Variants in LSM11 observed in about 807,000 individuals in gnomAD.
LSM11 encodes LSM11, U7 small nuclear RNA associated, also known as U7 snRNA-associated Sm-like protein LSm11.
In LSM11, 14 loss-of-function variants were observed where a neutral mutation model predicts 28.1. That is an observed-to-expected ratio of 0.50 (90% CI 0.33 to 0.78). The LOEUF (loss-of-function observed/expected upper bound fraction) is 0.78, where lower values mean the gene tolerates loss of function less well. LSM11 is among the 30% of genes least tolerant of loss of function. The probability of loss-of-function intolerance (pLI) is 0.02; values close to 1 mark genes in which losing one functional copy is unlikely to be tolerated. For missense variants in LSM11, 495 were observed against 510.6 expected, an observed-to-expected ratio of 0.97 and a Z score of 0.30; for synonymous variants, 207 against 214.2, an observed-to-expected ratio of 0.97 and a Z score of 0.30.
chr5:157,753,007 C>G (rs1313286914), intron 2 of LSM11, among the ~76,000 whole-genome samples: 1 of 152,098 alleles, frequency 6.6e-6, no homozygotes, highest in African/African-American at 2.4e-5. Flanking sequence ...CTGCTATGTG[C>G]CAGGTACTAT....
intron 2 of LSM11, among the ~76,000 whole-genome samples, chr5:157,753,452 G>A (rs760900776): frequency 1.3e-5 from 2 of 152,066 alleles, no homozygotes; most frequent in South Asian, 2.1e-4. Flanking sequence ...CCTAACAGCT[G>A]TCCTGTCGAG....
Position 157,746,341 on chromosome 5 carries a change from T to C in LSM11, c.448+2143T>C, listed in dbSNP as rs79872607. Among the ~76,000 whole-genome samples the C allele has an allele frequency of 8.5e-5, 13 of 152,290 alleles. No individual in the cohort carries two copies. The East Asian group carries it at 2.5e-3, about 29-fold the overall frequency. Reference sequence around the variant, plus strand: ...TCAGGCTGTAACAGCAAGAAGAAGCTTTGTTAGGTCATATCATCAGTGAAA... The same window carrying C: ...TCAGGCTGTAACAGCAAGAAGAAGCCTTGTTAGGTCATATCATCAGTGAAA... On this transcript the variant is annotated intron_variant, in intron 1 of 3. Transcript: ENST00000286307.
chr5:157,743,890 A>T lies in LSM11; in HGVS notation c.140A>T (p.Tyr47Phe). 1.3e-6 allele frequency: 2 copies of T among 1,547,964 alleles called. No homozygotes were observed. The highest frequency in any genetic ancestry group is 1.7e-6 in the Non-Finnish European group (2 of 1,148,942). Residue 47 changes from tyrosine to phenylalanine, a missense_variant, in exon 1 of 4, where the codon TAC (tyrosine) becomes TTC (phenylalanine). Transcript: ENST00000286307. ...GCGCCCCGCCTGCCTCCCATTCCCT[A>T]CCCCAATGCCCCCTGCTTCAACAAC... ...LYAPRLPPIP[Y>F]PNAPCFNNVA...
intron 1 of LSM11, chr5:157,747,546 A>C (rs1332222171): frequency 8.7e-6 from 2 of 228,988 alleles, no homozygotes; most frequent in African/African-American, 4.6e-5. Context: ...TTTCAAAACA[A>C]ACCTGATTTA....
At position 157,756,446 on chromosome 5, in the gene LSM11, G is replaced by A. The variant is rs1441039735; in HGVS notation, c.*1182G>A. The A allele has an allele frequency of 1.3e-5, 2 of 152,564 alleles. No homozygotes were observed. Among genetic ancestry groups the A allele is most frequent in the Non-Finnish European group, 2.9e-5 (2 of 68,016 alleles). The allele number at this position is 152,564 out of a possible 1,614,324, so 9.5% of individuals were successfully genotyped here. On this transcript the variant is annotated 3_prime_UTR_variant, in exon 4 of 4. Transcript: ENST00000286307. The stretch of plus-strand genomic sequence containing the variant: ...TTGACACAGACTGTTAGGCAATATT[G>A]ATTTTTTTGTTTTGTTTTTATTTGG...
At chr5:157,744,224 C>T in intron 1 of LSM11, 26 bp downstream of exon 1, 2 of 1,248,386 alleles carry the variant, frequency 1.6e-6, no homozygotes, top group South Asian at 6.2e-5. Flanking sequence ...GGGCGGGAAG[C>T]GGGGCAGCCG....
chr5:157,752,795 G>A (rs1046072740), intron 2 of LSM11, among the ~76,000 whole-genome samples: 4 of 146,354 alleles, frequency 2.7e-5, no homozygotes, highest in East Asian at 2.0e-4. Flanking sequence ...GCAGTGAGCC[G>A]AGATCATGCC....
In LSM11 at chr5:157,756,380, A is replaced by G. The variant is rs1360039235; in HGVS notation, c.*1116A>G. 6.6e-6 allele frequency: 1 copy of G among 152,634 alleles called. No individual in the cohort carries two copies. The highest frequency in any genetic ancestry group is 1.5e-5 in the Non-Finnish European group (1 of 68,044). 9.5% of individuals were successfully genotyped at this position (152,634 alleles called of 1,614,324 possible). ...CCACAAATACTTCTACTTGAATCAT[A>G]TTCTGTGCTTTTTCAATCACTAGTG... On this transcript the variant is annotated 3_prime_UTR_variant, in exon 4 of 4. Transcript: ENST00000286307.
At chr5:157,749,325 C>T (rs1761190820) in intron 1 of LSM11, among the ~76,000 whole-genome samples, 2 of 152,038 alleles carry the variant, frequency 1.3e-5, no homozygotes, top group Admixed American at 6.5e-5. Context: ...GGGCAGGGGG[C>T]AGTATATATG....
rs1263334678 is a variant in LSM11 at position 157,755,346 on chromosome 5, C to CT, written c.*83dup. 41 of 1,432,330 alleles carry CT rather than the reference C, an allele frequency of 2.9e-5. No individual in the cohort carries two copies. The East Asian group carries it at 7.6e-4, about 27-fold the overall frequency. 88.7% of individuals were successfully genotyped at this position (1,432,330 alleles called of 1,614,324 possible). On this transcript the variant is annotated 3_prime_UTR_variant, in exon 4 of 4. Transcript: ENST00000286307. ...TGTATCCTAGTATCCCAGTGAAACT[C>CT]TGAGTTGGAATGATTCCCTCTGGTC...
rs768913689 is a variant in LSM11, at chr5:157,751,413, G to C, written c.472G>C (p.Glu158Gln). 1.6e-5 allele frequency: 25 copies of C among 1,601,966 alleles called. No individual in the cohort carries two copies. Among genetic ancestry groups the C allele is most frequent in the Non-Finnish European group, 1.7e-5 (20 of 1,175,676 alleles). The part of the protein sequence containing the change: ...MPLHEGSPLG[E>Q]LHRCIREGVK... ...AGTGCACGAAGGCAGCCCTCTGGGT[G>C]AACTCCATCGCTGTATCCGTGAGGG... The change falls in exon 2 of 4, where the codon GAA becomes CAA. Residue 158 changes from glutamate to glutamine, a missense_variant. Coordinates refer to ENST00000286307, the MANE Select transcript of LSM11 (RefSeq NM_173491.4).
chr5:157,747,437 C>A, intron 1 of LSM11: 1 of 206,372 alleles, frequency 4.8e-6, no homozygotes. Flanking sequence ...GGCTCCTAGA[C>A]CATTGTCTAG....
intron 1 of LSM11, among the ~76,000 whole-genome samples, chr5:157,749,599 C>A (rs1387045447): frequency 7.2e-6 from 1 of 139,438 alleles, no homozygotes; most frequent in Non-Finnish European, 1.6e-5. Context: ...CACACACACA[C>A]ACACACACCC....
At position 157,756,790 on chromosome 5, in the gene LSM11, A is replaced by G. The variant is rs1444647206; in HGVS notation, c.*1526A>G. ...TCTCTAAACATCTTTAAGTGCCATG[A>G]GTAATTTTTCCTGACTCTGTTTCAT... On this transcript the variant is annotated 3_prime_UTR_variant, in exon 4 of 4. Transcript: ENST00000286307. 1 of 152,644 alleles carries G rather than the reference A, an allele frequency of 6.6e-6. No homozygotes were observed. Among genetic ancestry groups the G allele is most frequent in the African/African-American group, 2.4e-5 (1 of 41,450 alleles). The allele number at this position is 152,644 out of a possible 1,614,324, so 9.5% of individuals were successfully genotyped here.
In LSM11 at chr5:157,756,364, C is replaced by T. The variant is rs905469489; in HGVS notation, c.*1100C>T. On this transcript the variant is annotated 3_prime_UTR_variant, in exon 4 of 4. Transcript: ENST00000286307. ...AGGAACACCATAGCACCCACAAATACTTCTACTTGAATCATATTCTGTGCT... is the reference window on the plus strand; with the variant it reads ...AGGAACACCATAGCACCCACAAATATTTCTACTTGAATCATATTCTGTGCT... 2.0e-5 allele frequency: 3 copies of T among 152,636 alleles called. No individual in the cohort carries two copies. Among genetic ancestry groups the T allele is most frequent in the African/African-American group, 7.2e-5 (3 of 41,450 alleles). The allele number at this position is 152,636 out of a possible 1,614,324, so 9.5% of individuals were successfully genotyped here. A position where few individuals can be genotyped will look rare whatever the true frequency, so the allele number is the denominator to read the frequency against.
chr5:157,747,178 A>G (rs1021817353), intron 1 of LSM11, among the ~76,000 whole-genome samples: 3 of 152,180 alleles, frequency 2.0e-5, no homozygotes, highest in African/African-American at 7.2e-5. Flanking sequence ...ATTTCTCCTT[A>G]GTATCGCAGC....
intron 1 of LSM11, among the ~76,000 whole-genome samples, chr5:157,748,116 G>A (rs1283144726): frequency 6.6e-6 from 1 of 152,058 alleles, no homozygotes; most frequent in African/African-American, 2.4e-5. Flanking sequence ...CTTTCAATCT[G>A]TCATGGCACC....
chr5:157,749,136 T>G (rs1360628353), intron 1 of LSM11, among the ~76,000 whole-genome samples: 1 of 152,224 alleles, frequency 6.6e-6, no homozygotes, highest in Non-Finnish European at 1.5e-5. Context: ...GGTACACGTT[T>G]GAGAAAGACC....
chr5:157,746,146 A>T (rs957717808), intron 1 of LSM11, among the ~76,000 whole-genome samples: 2 of 152,248 alleles, frequency 1.3e-5, no homozygotes, highest in East Asian at 3.8e-4. Flanking sequence ...AAAAAAATAT[A>T]TGCCTACTCT....
Sources: gnomAD v4.1 joint callset for allele counts (sites outside exome capture counted in the v4.1 genomes callset) on GRCh38, gnomAD v4.1.1 for gene constraint, MANE v1.5 for transcripts, NCBI Gene and HGNC (gene_info 2026-07-23, HGNC 2026-07-21) for gene names.